CYP2D6: variants seen among roughly 807,000 people sequenced by gnomAD.
CYP2D6 encodes cytochrome P450 family 2 subfamily D member 6 (gene/pseudogene), also known as cytochrome P450 2D6.
A neutral mutation model predicts 43.5 loss-of-function variants in CYP2D6; 51 were observed. The ratio of observed to expected loss-of-function variants is 1.17; its 90% confidence interval spans 0.94 to 1.48. CYP2D6 has a LOEUF of 1.48. Ranked by LOEUF, CYP2D6 falls within the 40% of genes most tolerant of loss-of-function variation. The pLI, the probability that CYP2D6 is intolerant of heterozygous loss-of-function variation, is 0.00. For missense variants in CYP2D6, 698 were observed against 688.0 expected (o/e 1.01, Z -0.16); for synonymous variants, 346 against 297.1 (o/e 1.16, Z -1.69).
Position 42,128,369 on chromosome 22 carries a change from G to T in CYP2D6, c.667-19C>A, listed in dbSNP as rs1232865764. The T allele has an allele frequency of 2.5e-6, 4 of 1,608,378 alleles. 1 individual carries two copies. In the South Asian group the frequency reaches 4.4e-5, roughly 18 times the overall value. ...TCAGCACCTACACCAGACAGAACGG[G>T]GTCTCAATCCCTCCTGTGCTCTGCG... is the stretch of plus-strand genomic sequence containing the variant. On this transcript the variant is annotated intron_variant, in intron 4 of 8. Transcript: ENST00000645361.
intron 4 of CYP2D6, among the ~76,000 whole-genome samples, 185 bp from the exon 5 acceptor site, chr22:42,128,535 A>C (rs1189535926): frequency 2.0e-5 from 3 of 150,318 alleles, no homozygotes; most frequent in Non-Finnish European, 3.0e-5. Context: ...CCTAAAATCG[A>C]AATCTCTGAC....
intron 5 of CYP2D6, 91 bp downstream of exon 5, chr22:42,128,083 C>T: frequency 2.5e-6 from 4 of 1,587,944 alleles, no homozygotes; most frequent in Admixed American, 3.5e-5. Flanking sequence ...CCGGGTGATG[C>T]ACTGGTCCAA....
intron 2 of CYP2D6, 150 bp from the exon 3 acceptor site, chr22:42,129,335 C>A (rs1420638131): frequency 2.7e-6 from 3 of 1,111,194 alleles, no homozygotes; most frequent in African/African-American, 1.5e-5. Flanking sequence ...ATCCACCTTG[C>A]TCCCTTGGCT....
chr22:42,127,632 G>A lies in CYP2D6; in HGVS notation c.988C>T (p.Arg330Cys), dbSNP rs761795361. Residue 330 changes from arginine (R) to cysteine (C), a missense_variant and splice_region_variant, in exon 7 of 9, where the codon CGT becomes TGT. By Grantham distance (180) the Arg-to-Cys change is radical. Transcript: ENST00000645361. ...ACGTCGTCGATCTCCTGTTGGACAC[G>A]GCCTGGACAGACATGCGTCCCCACA... ...LMILHPDVQR[R>C]VQQEIDDVIG... is the part of the protein sequence containing the mutation. 1.1e-5 allele frequency: 18 copies of A among 1,610,966 alleles called. 1 individual carries two copies. The highest frequency in any genetic ancestry group is 2.2e-5 in the South Asian group (2 of 90,882).
At position 42,128,215 on chromosome 22, in the gene CYP2D6, G is replaced by A. The variant is rs1473203326; in HGVS notation, c.802C>T (p.Pro268Ser). 17 of 1,609,924 alleles carry A rather than the reference G, an allele frequency of 1.1e-5. No homozygotes were observed. Among genetic ancestry groups the A allele is most frequent in the Non-Finnish European group, 1.3e-5 (15 of 1,177,756 alleles). The change falls in exon 5 of 9, where the codon CCC (proline) becomes TCC (serine). Residue 268 changes from proline to serine, a missense_variant. Pro to Ser is a moderately conservative substitution (Grantham distance 74, BLOSUM62 -1). Around this residue, in one of 5 missense-constraint regions of CYP2D6, gnomAD observed 588 missense variants for 521.1 expected, o/e 1.13. Coordinates refer to ENST00000645361, the MANE Select transcript of CYP2D6 (RefSeq NM_000106.6). ...AGGAAGGCCTCAGTCAGGTCTCGGG[G>A]GGGCTGGGCTGGGTCCCAGGTCATC... ...HRMTWDPAQP[P>S]RDLTEAFLAE...
At position 42,129,625 on chromosome 22, in the gene CYP2D6, C is replaced by G. The variant is rs892561391; in HGVS notation, c.352+113G>C. 3.5e-6 allele frequency: 5 copies of G among 1,425,194 alleles called. 1 individual carries two copies. Among genetic ancestry groups the G allele is most frequent in the Non-Finnish European group, 2.9e-6 (3 of 1,029,102 alleles). 88.3% of individuals were successfully genotyped at this position (1,425,194 alleles called of 1,614,324 possible). ...GTGGTTTCTTGGCCCGCTGTCCCCACTCGCTGGCCTGTTTCATGTCCACGA... is the reference window on the plus strand; with the variant it reads ...GTGGTTTCTTGGCCCGCTGTCCCCAGTCGCTGGCCTGTTTCATGTCCACGA... On this transcript the variant is annotated intron_variant, in intron 2 of 8. Coordinates refer to ENST00000645361, the MANE Select transcript of CYP2D6 (RefSeq NM_000106.6).
In CYP2D6 at chr22:42,127,484, G is replaced by C; in HGVS notation, c.1136C>G (p.Ser379Cys). Residue 379 changes from serine (S) to cysteine (C), a missense_variant, in exon 7 of 9, where the codon TCC becomes TGC. By Grantham distance (112) the Ser-to-Cys change is moderately radical. Around this residue, in one of 5 missense-constraint regions of CYP2D6, gnomAD observed 16 missense variants for 30.5 expected, o/e 0.52. Transcript: ENST00000645361. ...GAAGCCCTGTACTTCGATGTCACGG[G>C]ATGTCATATGGGTCACACCCAGGGG... ...IVPLGVTHMT[S>C]RDIEVQGFRI... is the part of the protein sequence containing the mutation. 6.2e-7 allele frequency: 1 copy of C among 1,611,408 alleles called. No homozygotes were observed. The highest frequency in any genetic ancestry group is 8.5e-7 in the Non-Finnish European group (1 of 1,178,132).
At position 42,128,241 on chromosome 22, in the gene CYP2D6, C is replaced by G; in HGVS notation, c.776G>C (p.Arg259Thr). ...GGGCTGGGCTGGGTCCCAGGTCATC[C>G]TGTGCTCAGTTAGCAGCTCATCCAG... ...TQLDELLTEH[R>T]MTWDPAQPPR... Residue 259 changes from arginine (R) to threonine (T), a missense_variant, in exon 5 of 9, where the codon AGG becomes ACG. Arg to Thr is a moderately conservative substitution (Grantham distance 71). Coordinates refer to ENST00000645361, the MANE Select transcript of CYP2D6 (RefSeq NM_000106.6). The G allele has an allele frequency of 1.9e-6, 3 of 1,610,700 alleles. 1 individual carries two copies. The highest frequency in any genetic ancestry group is 8.5e-7 in the Non-Finnish European group (1 of 1,178,090).
At chr22:42,130,402 C>T in intron 1 of CYP2D6, 2 of 652,442 alleles carry the variant, frequency 3.1e-6, no homozygotes, top group East Asian at 2.7e-5. Flanking sequence ...CCAGCTCCAC[C>T]TCCAGGCCCT....
chr22:42,128,591 A>T (rs1441027618), intron 4 of CYP2D6, among the ~76,000 whole-genome samples, 193 bp downstream of exon 4: 4 of 150,528 alleles, frequency 2.7e-5, no homozygotes, highest in Admixed American at 1.3e-4. Context: ...GTGCCCCCTG[A>T]CCCGGGCACA....
Position 42,129,917 on chromosome 22 carries a change from G to C in CYP2D6, c.181-8C>G, listed in dbSNP as rs748567457. 3.5e-5 allele frequency: 54 copies of C among 1,545,474 alleles called. No individual in the cohort carries two copies. Among genetic ancestry groups the C allele is most frequent in the Non-Finnish European group, 4.7e-5 (54 of 1,145,640 alleles). On this transcript the variant is annotated splice_polypyrimidine_tract_variant and splice_region_variant and intron_variant, in intron 1 of 8. Coordinates refer to ENST00000645361, the MANE Select transcript of CYP2D6 (RefSeq NM_000106.6). ...CCCGAAGCGGCGCCGCAACTGCAGAGGGAGGGTCAGGGCCTCTTGTCAAGC... is the reference window on the plus strand; with the variant it reads ...CCCGAAGCGGCGCCGCAACTGCAGACGGAGGGTCAGGGCCTCTTGTCAAGC...
At chr22:42,128,416 C>T (rs1250721142) in intron 4 of CYP2D6, 66 bp from the exon 5 acceptor site, 1 of 1,562,234 alleles carries the variant, frequency 6.4e-7, no homozygotes, top group Non-Finnish European at 8.8e-7. Context: ...AAGTCTCAGG[C>T]CCCAGCCATC....
At position 42,127,970 on chromosome 22, in the gene CYP2D6, G is replaced by A. The variant is rs1349287719; in HGVS notation, c.857C>T (p.Pro286Leu). 3 of 1,611,460 alleles carry A rather than the reference G, an allele frequency of 1.9e-6. No individual in the cohort carries two copies. The highest frequency in any genetic ancestry group is 2.5e-6 in the Non-Finnish European group (3 of 1,178,374). Residue 286 changes from proline to leucine, a missense_variant, in exon 6 of 9, where the codon CCT (proline) becomes CTT (leucine). Physicochemically the swap from Pro to Leu is moderately conservative, Grantham distance 98. This residue lies in a region of CYP2D6 where 588 missense variants were observed against 521.1 expected (regional missense o/e 1.13). Transcript: ENST00000645361. ...GTTCTCATCATTGAAGCTGCTCTCA[G>A]GGTTCCCCTTGGCCTGAGCAGGGCC... ...LAEMEKAKGNPESSFNDENLR... is the reference protein window; with the variant it reads ...LAEMEKAKGNLESSFNDENLR...
chr22:42,129,520 C>A, intron 2 of CYP2D6: 2 of 746,088 alleles, frequency 2.7e-6, no homozygotes, highest in Non-Finnish European at 4.5e-6. Flanking sequence ...CCATTGGGCT[C>A]CTGCCAGGTC....
At position 42,126,722 on chromosome 22, in the gene CYP2D6, G is replaced by T. The variant is rs79392742; in HGVS notation, c.1346C>A (p.Ala449Asp). 1.1e-3 allele frequency: 1,800 copies of T among 1,567,842 alleles called. 2 individuals are homozygous for T. The Admixed American group carries it at 0.032, about 27-fold the overall frequency. ...GAAGAAGAGGAAGAGCTCCATGCGG[G>T]CCAGGGGCTCCCCGAGGCATGCACG... Reference protein sequence around the residue: ...GRRACLGEPLARMELFLFFTS... With the variant: ...GRRACLGEPLDRMELFLFFTS... The change falls in exon 9 of 9, where the codon GCC becomes GAC. Residue 449 changes from alanine (A) to aspartate (D), a missense_variant. By Grantham distance (126) the Ala-to-Asp change is moderately radical. Transcript: ENST00000645361.
At chr22:42,129,611 G>T in intron 2 of CYP2D6, 127 bp downstream of exon 2, 1 of 1,308,944 alleles carries the variant, frequency 7.6e-7, no homozygotes, top group Non-Finnish European at 1.1e-6. Flanking sequence ...TGGTTTCTTG[G>T]CCCGCTGTCC....
At chr22:42,129,259 A>G (rs1351398266) in intron 2 of CYP2D6, 74 bp from the exon 3 acceptor site, 54 of 1,530,612 alleles carry the variant, frequency 3.5e-5, no homozygotes, top group Middle Eastern at 3.3e-4. Flanking sequence ...CTCCAACCCT[A>G]TGCTCCCCCT....
At chr22:42,128,569 T>C (rs1931382890) in intron 4 of CYP2D6, among the ~76,000 whole-genome samples, 1 of 150,912 alleles carries the variant, frequency 6.6e-6, no homozygotes, top group Non-Finnish European at 1.5e-5. Flanking sequence ...ACAGAGTCCT[T>C]GGCCTCTCCT....
In CYP2D6 at chr22:42,127,521, C is replaced by G. The variant is rs1569019676; in HGVS notation, c.1099G>C (p.Gly367Arg). The part of the protein sequence containing the change: ...TAVIHEVQRF[G>R]DIVPLGVTHM... The stretch of plus-strand genomic sequence containing the variant: ...GTCACACCCAGGGGGACGATGTCCC[C>G]AAAGCGCTGCACCTCATGAATCACG... Residue 367 changes from glycine to arginine, a missense_variant, in exon 7 of 9, where the codon GGG becomes CGG. Gly to Arg is a moderately radical substitution (Grantham distance 125). Coordinates refer to ENST00000645361, the MANE Select transcript of CYP2D6 (RefSeq NM_000106.6). The G allele has an allele frequency of 2.5e-6, 4 of 1,611,944 alleles. No homozygotes were observed. Among genetic ancestry groups the G allele is most frequent in the Non-Finnish European group, 2.5e-6 (3 of 1,178,530 alleles).
Sources: allele counts gnomAD v4.1 joint callset (sites outside exome capture counted in the v4.1 genomes callset), GRCh38; gene constraint gnomAD v4.1.1; regional missense constraint gnomAD v4.1.1; transcripts MANE v1.5; gene names NCBI Gene and HGNC (gene_info 2026-07-23, HGNC 2026-07-21).